The following DDHD1 variants were observed in gnomAD, a reference collection of about 807,000 sequenced individuals.
DDHD1 encodes phospholipase DDHD1.
DDHD1 carries 49 observed loss-of-function variants against 96.4 expected under a neutral mutation model. That is an observed-to-expected ratio of 0.51 (90% CI 0.40 to 0.64). DDHD1 has a LOEUF of 0.64. Among genes scored for constraint, DDHD1 ranks in the 30% least tolerant of loss-of-function variants. DDHD1 has a pLI of 0.00. For synonymous variants in DDHD1, 442 were observed against 446.5 expected (o/e 0.99, Z 0.13); for missense variants, 1,106 against 1,161.2 (o/e 0.95, Z 0.69).
chr14:53,153,088 G>C lies in DDHD1; in HGVS notation c.11C>G (p.Pro4Arg). 1 of 1,435,274 alleles carries C rather than the reference G, an allele frequency of 7.0e-7. No homozygotes were observed. Among genetic ancestry groups the C allele is most frequent in the Non-Finnish European group, 9.0e-7 (1 of 1,107,618 alleles). The allele number at this position is 1,435,274 out of a possible 1,614,324, so 88.9% of individuals were successfully genotyped here. MNYPGRGSPRSPEH... is the reference protein window; with the variant it reads MNYRGRGSPRSPEH... ...GGGGCTCCGTGGGGACCCGCGGCCC[G>C]GGTAATTCATGCTGTGGAGACGCCG... is the stretch of plus-strand genomic sequence containing the variant. The change falls in exon 1 of 13, where the codon CCG becomes CGG. Residue 4 changes from proline to arginine, a missense_variant. Pro to Arg is a moderately radical substitution (Grantham distance 103). Around this residue, in one of 2 missense-constraint regions of DDHD1, gnomAD observed 456 missense variants for 402.4 expected, o/e 1.13. Transcript: ENST00000673822.
chr14:53,079,947 C>T (rs545882208), intron 4 of DDHD1, among the ~76,000 whole-genome samples: 9 of 152,266 alleles, frequency 5.9e-5, no homozygotes, highest in African/African-American at 1.9e-4. Context: ...ATAGATACTG[C>T]CACATACTCG....
Position 53,044,227 on chromosome 14 carries a change from G to C in DDHD1, c.*2541C>G, listed in dbSNP as rs1006354341. On this transcript the variant is annotated 3_prime_UTR_variant, in exon 13 of 13. Coordinates refer to ENST00000673822, the MANE Select transcript of DDHD1 (RefSeq NM_001160148.2). ...GAACTGAAAACAAAACATCCATCCAGTAGTCCAGAATATCTTATTTTTGAA... is the reference window on the plus strand; with the variant it reads ...GAACTGAAAACAAAACATCCATCCACTAGTCCAGAATATCTTATTTTTGAA... 1 of 152,150 alleles carries C rather than the reference G, an allele frequency of 6.6e-6. No individual in the cohort carries two copies. The highest frequency in any genetic ancestry group is 1.5e-5 in the Non-Finnish European group (1 of 68,052). 9.4% of individuals were successfully genotyped at this position (152,150 alleles called of 1,614,324 possible). A position where few individuals can be genotyped will look rare whatever the true frequency, so the allele number is the denominator to read the frequency against.
intron 1 of DDHD1, among the ~76,000 whole-genome samples, chr14:53,122,029 GTAAA>G (rs1312493373): frequency 6.6e-6 from 1 of 151,896 alleles, no homozygotes; most frequent in Non-Finnish European, 1.5e-5. Context: ...GCTGAACTCT[GTAAA>G]TAGTTCTCTC....
intron 8 of DDHD1, among the ~76,000 whole-genome samples, chr14:53,059,829 A>C (rs1883388349): frequency 7.4e-6 from 1 of 135,168 alleles, no homozygotes; most frequent in South Asian, 2.3e-4. Context: ...ACGCCACTGC[A>C]CTCCAGCCTG....
chr14:53,084,189 T>C (rs561297865), intron 4 of DDHD1, among the ~76,000 whole-genome samples: 2 of 152,330 alleles, frequency 1.3e-5, no homozygotes, highest in Non-Finnish European at 2.9e-5. Flanking sequence ...CACAAGATTA[T>C]ATAAATCACA....
intron 7 of DDHD1, among the ~76,000 whole-genome samples, chr14:53,062,648 C>A (rs1221379608): frequency 6.6e-6 from 1 of 152,076 alleles, no homozygotes; most frequent in African/African-American, 2.4e-5. Context: ...AATAAGGATT[C>A]TATGCAGTGA....
intron 9 of DDHD1, among the ~76,000 whole-genome samples, chr14:53,057,995 G>A (rs945455585): frequency 3.3e-5 from 5 of 151,854 alleles, no homozygotes; most frequent in African/African-American, 9.7e-5. Context: ...GATTACAGCC[G>A]TGCCCAGCTA....
At chr14:53,106,433 T>C (rs1278493827) in intron 1 of DDHD1, among the ~76,000 whole-genome samples, 3 of 152,056 alleles carry the variant, frequency 2.0e-5, no homozygotes, top group African/African-American at 7.2e-5. Flanking sequence ...CCGAGCCAGG[T>C]GGATCACTTG....
intron 1 of DDHD1, among the ~76,000 whole-genome samples, chr14:53,105,854 T>C (rs1486607942): frequency 6.6e-6 from 1 of 152,208 alleles, no homozygotes; most frequent in Non-Finnish European, 1.5e-5. Flanking sequence ...TATTCTTTTT[T>C]TTCCTTTATG....
chr14:53,059,724 C>T (rs1206268572), intron 8 of DDHD1, among the ~76,000 whole-genome samples: 51 of 149,108 alleles, frequency 3.4e-4, no homozygotes, highest in Non-Finnish European at 6.0e-4. Flanking sequence ...ATTAGCTGGG[C>T]GTGGTGGCGG....
intron 2 of DDHD1, chr14:53,096,192 G>C: frequency 1.0e-6 from 1 of 985,202 alleles, no homozygotes; most frequent in South Asian, 4.7e-5. Context: ...AGAGAAGGGA[G>C]GGAGAAGGGA....
intron 1 of DDHD1, among the ~76,000 whole-genome samples, chr14:53,134,743 C>T (rs1400952717): frequency 3.3e-5 from 5 of 152,122 alleles, no homozygotes; most frequent in Non-Finnish European, 7.4e-5. Flanking sequence ...TGCTGAACCC[C>T]CTTGGGCACT....
At position 53,045,248 on chromosome 14, in the gene DDHD1, G is replaced by C. The variant is rs933530470; in HGVS notation, c.*1520C>G. On this transcript the variant is annotated 3_prime_UTR_variant, in exon 13 of 13. Coordinates refer to ENST00000673822, the MANE Select transcript of DDHD1 (RefSeq NM_001160148.2). ...TTCTTTTTTGTTTTTTAGAGACAGGGTCTGGCTCTGTCACCCAGGCTGGAG... is the reference window on the plus strand; with the variant it reads ...TTCTTTTTTGTTTTTTAGAGACAGGCTCTGGCTCTGTCACCCAGGCTGGAG... 1.3e-5 allele frequency: 2 copies of C among 152,454 alleles called. No homozygotes were observed. Among genetic ancestry groups the C allele is most frequent in the African/African-American group, 4.8e-5 (2 of 41,432 alleles). 9.4% of individuals were successfully genotyped at this position (152,454 alleles called of 1,614,324 possible). A position where few individuals can be genotyped will look rare whatever the true frequency, so the allele number is the denominator to read the frequency against.
intron 9 of DDHD1, among the ~76,000 whole-genome samples, chr14:53,057,066 C>G (rs1984026): frequency 0.87 from 132,995 of 152,156 alleles, 58,200 homozygotes; most frequent in East Asian, 0.98. Flanking sequence ...AAATAACTTG[C>G]CCAGGATTGT....
At chr14:53,096,109 T>C (rs1007171034) in intron 2 of DDHD1, 3 of 977,752 alleles carry the variant, frequency 3.1e-6, no homozygotes, top group African/African-American at 3.5e-5. Context: ...AAACTACAAT[T>C]ACTGTACCTT....
chr14:53,114,224 G>T (rs943251196), intron 1 of DDHD1, among the ~76,000 whole-genome samples: 1 of 152,222 alleles, frequency 6.6e-6, no homozygotes, highest in Non-Finnish European at 1.5e-5. Context: ...CCAGTCAGGG[G>T]CTTACAGATA....
At chr14:53,056,699 T>C (rs1566521308) in intron 9 of DDHD1, among the ~76,000 whole-genome samples, 1 of 152,156 alleles carries the variant, frequency 6.6e-6, no homozygotes, top group African/African-American at 2.4e-5. Flanking sequence ...TACAGAGATG[T>C]GAGAAAGAAC....
At chr14:53,111,452 G>A (rs1888100065) in intron 1 of DDHD1, among the ~76,000 whole-genome samples, 1 of 151,816 alleles carries the variant, frequency 6.6e-6, no homozygotes, top group Admixed American at 6.6e-5. Context: ...CTTCTTCCCT[G>A]TAGTTAACGT....
intron 1 of DDHD1, among the ~76,000 whole-genome samples, chr14:53,116,503 T>A (rs949768724): frequency 3.3e-5 from 5 of 152,062 alleles, no homozygotes; most frequent in African/African-American, 1.2e-4. Context: ...TGCAAAAGAA[T>A]GGAAATCATA....
Sources: gnomAD v4.1 joint callset for allele counts (sites outside exome capture counted in the v4.1 genomes callset) on GRCh38, gnomAD v4.1.1 for gene constraint, gnomAD v4.1.1 regional missense constraint, MANE v1.5 for transcripts, NCBI Gene and HGNC (gene_info 2026-07-23, HGNC 2026-07-21) for gene names.